The following TMCO6 variants were observed in gnomAD, a reference collection of about 807,000 sequenced individuals.
The protein encoded by TMCO6 is transmembrane and coiled-coil domains 6.
A neutral mutation model predicts 61.8 loss-of-function variants in TMCO6; 47 were observed. The ratio of observed to expected loss-of-function variants is 0.76; its 90% CI spans 0.60 to 0.97. The LOEUF (loss-of-function observed/expected upper bound fraction) is 0.97. TMCO6 is among the 50% of genes least tolerant of loss of function. The pLI, the probability that TMCO6 is intolerant of heterozygous loss-of-function variation, is 0.00. For synonymous variants in TMCO6, 261 were observed against 254.2 expected (o/e 1.03, Z -0.25); for missense variants, 557 against 601.6 (o/e 0.93, Z 0.78).
At chr5:140,619,528 A>G in the TMCO6 span, among the ~76,000 whole-genome samples, 1 of 152,194 alleles carries the variant, frequency 6.6e-6, no homozygotes, top group Non-Finnish European at 1.5e-5. Flanking sequence ...AGGGAGGCTA[A>G]AAGCAGACTT....
chr5:140,636,275 G>A (rs1277167012), upstream of TMCO6, among the ~76,000 whole-genome samples: 1 of 152,122 alleles, frequency 6.6e-6, no homozygotes, highest in Non-Finnish European at 1.5e-5. Flanking sequence ...TGGGATTATA[G>A]GCATGAGCCA....
chr5:140,598,850 C>T, the TMCO6 span, among the ~76,000 whole-genome samples: 1 of 152,170 alleles, frequency 6.6e-6, no homozygotes, highest in Non-Finnish European at 1.5e-5. Flanking sequence ...ACAGGAGAAT[C>T]ACTTGAACCC....
the TMCO6 span, among the ~76,000 whole-genome samples, chr5:140,601,583 C>CT: frequency 5.9e-5 from 9 of 152,284 alleles, no homozygotes; most frequent in Non-Finnish European, 8.8e-5. Context: ...GAGACAGAGT[C>CT]TCGTTCTGTC....
chr5:140,645,509 A>G, downstream of TMCO6: 1 of 1,558,174 alleles, frequency 6.4e-7, no homozygotes, highest in Non-Finnish European at 8.8e-7. Flanking sequence ...GAATAGGAGA[A>G]CACATTTTTT....
At chr5:140,638,805 C>T (rs1756847473), upstream of TMCO6, 1 of 152,272 alleles carries the variant, frequency 6.6e-6, no homozygotes, top group South Asian at 2.1e-4. Flanking sequence ...GATCCACCCG[C>T]CCAGGCCTCC....
At chr5:140,638,243 G>A (rs1036670346), upstream of TMCO6, among the ~76,000 whole-genome samples, 1 of 152,126 alleles carries the variant, frequency 6.6e-6, no homozygotes, top group African/African-American at 2.4e-5. Context: ...AACTAATCCC[G>A]GTTGGCTAAA....
chr5:140,632,576 A>G, the TMCO6 span: 1 of 1,614,006 alleles, frequency 6.2e-7, no homozygotes, highest in Non-Finnish European at 8.5e-7. The surrounding 1 kb of genome is among the most constrained non-coding windows in gnomAD (Gnocchi z 6.2). Flanking sequence ...TGGCTTCCAG[A>G]GGCAGCGGAG....
chr5:140,597,673 G>T, the TMCO6 span, among the ~76,000 whole-genome samples: 55 of 152,176 alleles, frequency 3.6e-4, 1 homozygote, highest in Admixed American at 6.5e-5. Context: ...AGTCCAGATT[G>T]CTGGCAACAA....
the TMCO6 span, among the ~76,000 whole-genome samples, chr5:140,629,997 C>CT: frequency 5.5e-3 from 812 of 146,826 alleles, 7 homozygotes; most frequent in Admixed American, 0.012. Flanking sequence ...TATCTGCTCC[C>CT]TTTTTTTTTT....
intron 2 of TMCO6, chr5:140,641,388 C>T: frequency 2.6e-6 from 1 of 389,014 alleles, no homozygotes; most frequent in East Asian, 4.6e-5. Flanking sequence ...TTGAAAGAAC[C>T]CTGTATGAAG....
chr5:140,613,112 C>G, the TMCO6 span, among the ~76,000 whole-genome samples: 103 of 152,140 alleles, frequency 6.8e-4, 1 homozygote, highest in East Asian at 0.017. Context: ...CAGGAGGGGC[C>G]GGGCACGGTG....
chr5:140,647,681 G>A (rs546286895), downstream of TMCO6: 19 of 1,475,014 alleles, frequency 1.3e-5, no homozygotes, highest in Non-Finnish European at 1.8e-5. Flanking sequence ...GGCTGCATGA[G>A]GCAGGGGCGG....
At chr5:140,622,724 CAAAAAA>C in the TMCO6 span, among the ~76,000 whole-genome samples, 3 of 105,814 alleles carry the variant, frequency 2.8e-5, no homozygotes, top group African/African-American at 9.2e-5. Flanking sequence ...GCTTTAGCTA[CAAAAAA>C]AAAAAAAAAA....
upstream of TMCO6, among the ~76,000 whole-genome samples, chr5:140,635,905 T>C (rs1756759829): frequency 6.6e-6 from 1 of 152,204 alleles, no homozygotes. Flanking sequence ...TGGGCAGCTG[T>C]AGCTGTCTGA....
the TMCO6 span, among the ~76,000 whole-genome samples, chr5:140,599,482 A>G: frequency 6.6e-6 from 1 of 152,230 alleles, no homozygotes; most frequent in African/African-American, 2.4e-5. Flanking sequence ...GCAATAGCCT[A>G]TAAGGTAAGT....
rs1055929355 is a variant in TMCO6 at position 140,644,759 on chromosome 5, C to A, written c.1368+19C>A. On this transcript the variant is annotated intron_variant, in intron 11 of 11. Coordinates refer to ENST00000394671, the MANE Select transcript of TMCO6 (RefSeq NM_018502.5). ...GCCAGAGGTATAGGTTTCTGGCCCA[C>A]ATCCTCAGTCACCCCTGTTCTGAAG... is the stretch of plus-strand genomic sequence containing the variant. 2 of 1,613,520 alleles carry A rather than the reference C, an allele frequency of 1.2e-6. No individual in the cohort carries two copies. The highest frequency in any genetic ancestry group is 8.5e-7 in the Non-Finnish European group (1 of 1,179,560).
At chr5:140,614,021 C>T in the TMCO6 span, among the ~76,000 whole-genome samples, 1 of 152,068 alleles carries the variant, frequency 6.6e-6, no homozygotes, top group East Asian at 1.9e-4. Context: ...GCCTCAGCCT[C>T]CTGAGTAGCT....
chr5:140,618,158 C>G, the TMCO6 span, among the ~76,000 whole-genome samples: 1 of 152,100 alleles, frequency 6.6e-6, no homozygotes. Flanking sequence ...GGGCCGCACG[C>G]GGTGGCTCAC....
the TMCO6 span, among the ~76,000 whole-genome samples, chr5:140,613,992 C>T: frequency 5.6e-3 from 857 of 151,978 alleles, 11 homozygotes; most frequent in East Asian, 0.032. Context: ...TCCGCCTCCC[C>T]GGTTCATGCC....
Sources: allele counts gnomAD v4.1 joint callset (sites outside exome capture counted in the v4.1 genomes callset), GRCh38; gene constraint gnomAD v4.1.1; non-coding constraint Gnocchi (gnomAD v3.1); transcripts MANE v1.5; gene names NCBI Gene and HGNC (gene_info 2026-07-23, HGNC 2026-07-21).